LAPTM4B: variants seen among roughly 807,000 people sequenced by gnomAD.
LAPTM4B encodes lysosomal-associated transmembrane protein 4B.
LAPTM4B carries 26 observed loss-of-function variants against 28.5 expected under a neutral mutation model. The observed-to-expected ratio is 0.91, with a 90% CI of 0.67 to 1.27. The LOEUF (loss-of-function observed/expected upper bound fraction) is 1.27. Ranked by LOEUF, LAPTM4B falls within the 50% of genes most tolerant of loss-of-function variation. LAPTM4B has a pLI of 0.00. For synonymous variants in LAPTM4B, 109 were observed against 106.4 expected, an observed-to-expected ratio of 1.02 and a Z score of -0.15; for missense variants, 288 against 285.8, an observed-to-expected ratio of 1.01 and a Z score of -0.06.
At chr8:97,790,897 G>T (rs1008876866) in intron 1 of LAPTM4B, among the ~76,000 whole-genome samples, 7 of 152,182 alleles carry the variant, frequency 4.6e-5, no homozygotes, top group Non-Finnish European at 7.4e-5. Context: ...GTGCCACTGA[G>T]CCCGTCCTAG....
chr8:97,827,291 T>C (rs1223111198), intron 6 of LAPTM4B, among the ~76,000 whole-genome samples: 1 of 152,200 alleles, frequency 6.6e-6, no homozygotes, highest in African/African-American at 2.4e-5. Context: ...TCTTAAGACC[T>C]TCCCTAAAGA....
intron 6 of LAPTM4B, among the ~76,000 whole-genome samples, chr8:97,840,344 A>G (rs540246861): frequency 6.6e-6 from 1 of 152,370 alleles, no homozygotes; most frequent in Non-Finnish European, 1.5e-5. Flanking sequence ...AATAATTCAG[A>G]TAGCTCCTTT....
intron 2 of LAPTM4B, among the ~76,000 whole-genome samples, chr8:97,812,765 C>T (rs911560914): frequency 6.6e-6 from 1 of 152,158 alleles, no homozygotes; most frequent in Non-Finnish European, 1.5e-5. Context: ...GGCACCCTCA[C>T]TCTACTTCCC....
At chr8:97,782,669 C>A (rs1816339969) in intron 1 of LAPTM4B, among the ~76,000 whole-genome samples, 1 of 151,558 alleles carries the variant, frequency 6.6e-6, no homozygotes, top group Non-Finnish European at 1.5e-5. Context: ...AACTCCTGAC[C>A]TCCTGATCCA....
chr8:97,809,571 G>A (rs1040774528), intron 2 of LAPTM4B, among the ~76,000 whole-genome samples: 96 of 152,230 alleles, frequency 6.3e-4, no homozygotes, highest in African/African-American at 1.9e-3. Flanking sequence ...GTGATGGTGC[G>A]TACCTGTAAT....
At chr8:97,802,854 T>C (rs576594302) in intron 1 of LAPTM4B, among the ~76,000 whole-genome samples, 28 of 152,288 alleles carry the variant, frequency 1.8e-4, no homozygotes, top group African/African-American at 5.3e-4. Context: ...ATTACAATTT[T>C]TTTCGAAAAG....
chr8:97,849,035 T>C (rs1472089542), intron 6 of LAPTM4B, among the ~76,000 whole-genome samples: 2 of 152,244 alleles, frequency 1.3e-5, no homozygotes, highest in Non-Finnish European at 2.9e-5. Flanking sequence ...TCTCTTCATG[T>C]GCTGACCTGT....
At chr8:97,780,808 G>C (rs1383242301) in intron 1 of LAPTM4B, among the ~76,000 whole-genome samples, 1 of 151,886 alleles carries the variant, frequency 6.6e-6, no homozygotes, top group Non-Finnish European at 1.5e-5. Context: ...GTTTTGTCTT[G>C]GAATAATAAA....
intron 1 of LAPTM4B, among the ~76,000 whole-genome samples, chr8:97,793,320 G>A (rs1816532746): frequency 6.6e-6 from 1 of 152,004 alleles, no homozygotes; most frequent in Non-Finnish European, 1.5e-5. Flanking sequence ...TTGGGCACAG[G>A]GACCGTGTCT....
intron 1 of LAPTM4B, among the ~76,000 whole-genome samples, chr8:97,792,143 G>C (rs6996459): frequency 0.41 from 61,680 of 152,060 alleles, 12,821 homozygotes; most frequent in Non-Finnish European, 0.45. Context: ...CTTTGACTTA[G>C]AAGTTCAGCA....
chr8:97,849,811 C>G (rs550749215), intron 6 of LAPTM4B, among the ~76,000 whole-genome samples: 25 of 151,640 alleles, frequency 1.6e-4, no homozygotes, highest in Non-Finnish European at 2.6e-4. Context: ...CCTCCACCCC[C>G]CTGCCCGCCT....
At position 97,805,432 on chromosome 8, in the gene LAPTM4B, T is replaced by G. The variant is rs1246724883; in HGVS notation, c.179T>G (p.Leu60Arg). 1 of 1,611,480 alleles carries G rather than the reference T, an allele frequency of 6.2e-7. No individual in the cohort carries two copies. The highest frequency in any genetic ancestry group is 1.7e-5 in the Admixed American group (1 of 59,776). The part of the protein sequence containing the change: ...PDQYNFSSSE[L>R]GGDFEFMDDA... The stretch of plus-strand genomic sequence containing the variant: ...CAGTATAACTTTTCAAGTTCTGAAC[T>G]GGGAGGTGACTTTGAGTTCATGGAT... Residue 60 changes from leucine (L) to arginine (R), a missense_variant, in exon 2 of 7, where the codon CTG becomes CGG. Physicochemically the swap from Leu to Arg is moderately radical, Grantham distance 102. Transcript: ENST00000521545.
At chr8:97,810,018 C>T (rs976610285) in intron 2 of LAPTM4B, among the ~76,000 whole-genome samples, 1 of 152,176 alleles carries the variant, frequency 6.6e-6, no homozygotes, top group Admixed American at 6.6e-5. Context: ...CAATCCCTAC[C>T]TCTTGGGCTC....
At chr8:97,851,268 T>A in intron 6 of LAPTM4B, 129 bp from the exon 7 acceptor site, 1 of 753,704 alleles carries the variant, frequency 1.3e-6, no homozygotes, top group Non-Finnish European at 2.4e-6. Context: ...TGTATCCACT[T>A]GCTAGAAAAT....
At chr8:97,834,547 TTGTG>T (rs10557729) in intron 6 of LAPTM4B, among the ~76,000 whole-genome samples, 159 of 150,378 alleles carry the variant, frequency 1.1e-3, no homozygotes, top group African/African-American at 3.6e-3. Context: ...ATGTCCCTGG[TTGTG>T]TGTGTGTGTG....
intron 1 of LAPTM4B, among the ~76,000 whole-genome samples, chr8:97,782,532 G>A (rs1365145067): frequency 1.3e-5 from 2 of 150,582 alleles, no homozygotes; most frequent in Non-Finnish European, 3.0e-5. Context: ...TCTGCCTCCC[G>A]GGTTCAAGCG....
Position 97,852,938 on chromosome 8 carries a change from T to TG in LAPTM4B, c.*1469dup, listed in dbSNP as rs920361071. 3.4e-5 allele frequency: 16 copies of TG among 470,784 alleles called. No individual in the cohort carries two copies. Among genetic ancestry groups the TG allele is most frequent in the Non-Finnish European group, 4.9e-5 (13 of 266,350 alleles). 29.2% of individuals were successfully genotyped at this position (470,784 alleles called of 1,614,324 possible). A position where few individuals can be genotyped will look rare whatever the true frequency, so the allele number is the denominator to read the frequency against. Reference sequence around the variant, plus strand: ...CGTGGAGAATAAATTACCATTGGTGTGGGGGAAAAAAGCCAAACAGAAGTA... The same window carrying TG: ...CGTGGAGAATAAATTACCATTGGTGTGGGGGGAAAAAAGCCAAACAGAAGTA... On this transcript the variant is annotated 3_prime_UTR_variant, in exon 7 of 7. Transcript: ENST00000521545.
At chr8:97,839,247 T>G (rs544203474) in intron 6 of LAPTM4B, among the ~76,000 whole-genome samples, 15 of 152,298 alleles carry the variant, frequency 9.8e-5, no homozygotes, top group Non-Finnish European at 1.8e-4. Context: ...CAGGCTGGAG[T>G]GCAATGGCGC....
At chr8:97,790,246 G>A (rs1219851180) in intron 1 of LAPTM4B, among the ~76,000 whole-genome samples, 3 of 151,428 alleles carry the variant, frequency 2.0e-5, no homozygotes, top group Non-Finnish European at 4.4e-5. Context: ...TGGGATTGCT[G>A]CATTGTATGA....
Sources: allele counts gnomAD v4.1 joint callset (sites outside exome capture counted in the v4.1 genomes callset), GRCh38; gene constraint gnomAD v4.1.1; transcripts MANE v1.5; gene names NCBI Gene and HGNC (gene_info 2026-07-23, HGNC 2026-07-21).